Variants in TLE7 observed in about 807,000 individuals in gnomAD.
TLE7 encodes the protein transducin-like enhancer protein 7.
intron 1 of TLE7, among the ~76,000 whole-genome samples, chr16:71,438,626 G>T (rs1179227516): frequency 7.1e-6 from 1 of 140,230 alleles, no homozygotes; most frequent in Non-Finnish European, 1.5e-5. Flanking sequence ...AGGTTGCCGT[G>T]AGCCAAGATC....
At chr16:71,436,074 C>T (rs1001435007) in intron 1 of TLE7, among the ~76,000 whole-genome samples, 2 of 152,166 alleles carry the variant, frequency 1.3e-5, no homozygotes, top group African/African-American at 4.8e-5. Context: ...CAGAGCTCCC[C>T]ACCCTCTTAC....
Position 71,432,311 on chromosome 16 carries a change from A to C in TLE7, c.408T>G (p.Asp136Glu). The change falls in exon 5 of 10, where the codon GAT becomes GAG. Residue 136 changes from aspartate to glutamate, a missense_variant. Asp to Glu is a conservative substitution (Grantham distance 45). Coordinates refer to ENST00000561754, the MANE Select transcript of TLE7 (RefSeq NM_001367365.2). ...CCCTCTTCTGCCTGACCACAACTTCATCTGGAATGGGGGGCTAGGCAAGGA... is the reference window on the plus strand; with the variant it reads ...CCCTCTTCTGCCTGACCACAACTTCCTCTGGAATGGGGGGCTAGGCAAGGA... The part of the protein sequence containing the change: ...SLLRAIPPIP[D>E]EVVVRQKRAP... The C allele has an allele frequency of 2.5e-6, 1 of 400,634 alleles. No homozygotes were observed. The highest frequency in any genetic ancestry group is 4.4e-6 in the Non-Finnish European group (1 of 226,290). 24.8% of individuals were successfully genotyped at this position (400,634 alleles called of 1,614,324 possible).
At chr16:71,438,929 G>C (rs2145047204) in intron 1 of TLE7, among the ~76,000 whole-genome samples, 1 of 152,308 alleles carries the variant, frequency 6.6e-6, no homozygotes, top group South Asian at 2.1e-4. Flanking sequence ...GACCAAAACT[G>C]TCACAACCAG....
chr16:71,437,654 G>A (rs2042831743), intron 1 of TLE7, among the ~76,000 whole-genome samples: 1 of 151,888 alleles, frequency 6.6e-6, no homozygotes, highest in South Asian at 2.1e-4. Context: ...GAGAGGAAGG[G>A]GTGATGAAGC....
rs552157802 is a variant in TLE7 at position 71,431,860 on chromosome 16, G to A, written c.752C>T (p.Thr251Met). ...AGAGGAGACAGCCAGAGAATAGCAC[G>A]TGGGGCCCGTCGAGGTCAGCTGTGC... ...VRAQLTSTGP[T>M]CYSLAVSSDA... The change falls in exon 6 of 10, where the codon ACG becomes ATG. Residue 251 changes from threonine to methionine, a missense_variant. Coordinates refer to ENST00000561754, the MANE Select transcript of TLE7 (RefSeq NM_001367365.2). This position sits in a 1 kb window ranked among gnomAD's most constrained non-coding sequence, Gnocchi z 4.5. The A allele has an allele frequency of 2.1e-4, 84 of 400,754 alleles. No homozygotes were observed. Among genetic ancestry groups the A allele is most frequent in the African/African-American group, 1.4e-3 (68 of 48,788 alleles). The allele number at this position is 400,754 out of a possible 1,614,324, so 24.8% of individuals were successfully genotyped here.
chr16:71,430,630 C>A, intron 9 of TLE7, 38 bp downstream of exon 9: 1 of 398,478 alleles, frequency 2.5e-6, no homozygotes, highest in South Asian at 1.3e-4. Flanking sequence ...CTACAAGCTC[C>A]CAGTGCCTGG....
Position 71,431,763 on chromosome 16 carries a change from G to T in TLE7, c.849C>A (p.Ile283=). The change falls in exon 6 of 10, where the codon ATC becomes ATA. Residue 283 remains isoleucine, a splice_region_variant and synonymous_variant. Transcript: ENST00000561754. This position sits in a 1 kb window ranked among gnomAD's most constrained non-coding sequence, Gnocchi z 4.5. ...GTGGCTCTGGAGAGAGGTCATACCT[G>T]ATCAAGATTTGGTTCTGCAAATCCC... The part of the protein sequence containing the change: ...EIWDLQNQIL[I]RKHEVPVYGS... 1 of 400,694 alleles carries T rather than the reference G, an allele frequency of 2.5e-6. No individual in the cohort carries two copies. The allele number at this position is 400,694 out of a possible 1,614,324, so 24.8% of individuals were successfully genotyped here. A position where few individuals can be genotyped will look rare whatever the true frequency, so the allele number is the denominator to read the frequency against.
chr16:71,437,339 A>T (rs528539822), intron 1 of TLE7, among the ~76,000 whole-genome samples: 1 of 133,870 alleles, frequency 7.5e-6, no homozygotes, highest in African/African-American at 3.0e-5. Context: ...ACAGAGTGAG[A>T]CTCTGTCTCA....
intron 1 of TLE7, 137 bp downstream of exon 1, chr16:71,441,832 A>G (rs1329322167): frequency 2.0e-5 from 3 of 151,942 alleles, no homozygotes; most frequent in African/African-American, 4.8e-5. Flanking sequence ...GCAGTCTCCA[A>G]CTCCAGCCGG....
chr16:71,432,911 G>T lies in TLE7; in HGVS notation c.312-19C>A, dbSNP rs560334197. 6.3e-4 allele frequency: 251 copies of T among 399,026 alleles called. 1 individual carries two copies. Among genetic ancestry groups the T allele is most frequent in the Admixed American group, 1.5e-3 (34 of 22,738 alleles). 24.7% of individuals were successfully genotyped at this position (399,026 alleles called of 1,614,324 possible). A position where few individuals can be genotyped will look rare whatever the true frequency, so the allele number is the denominator to read the frequency against. On this transcript the variant is annotated intron_variant, in intron 2 of 9. Transcript: ENST00000561754. ...TAGGAAGCTACAACACATGGAGAGA[G>T]GGAGGGAGGAGACAGAGTGTGAGCC...
intron 1 of TLE7, among the ~76,000 whole-genome samples, chr16:71,437,707 C>T (rs1666700924): frequency 6.6e-6 from 1 of 152,158 alleles, no homozygotes; most frequent in Admixed American, 6.5e-5. Flanking sequence ...GCCTCCATTC[C>T]CTGATCACCC....
intron 1 of TLE7, among the ~76,000 whole-genome samples, chr16:71,434,085 G>A (rs1418623435): frequency 1.3e-5 from 2 of 152,204 alleles, no homozygotes; most frequent in African/African-American, 4.8e-5. Context: ...TAGAGGGGTT[G>A]GAGGAAACCC....
In TLE7 at chr16:71,431,730, A is replaced by G; in HGVS notation, c.851+31T>C. On this transcript the variant is annotated intron_variant, in intron 6 of 9. Coordinates refer to ENST00000561754, the MANE Select transcript of TLE7 (RefSeq NM_001367365.2). The surrounding 1 kb of genome is among the most constrained non-coding windows in gnomAD (Gnocchi z 4.5). ...CTCACTGGCAAGCCCTCCCCCAGGT[A>G]CACCTGAGTGGCTCTGGAGAGAGGT... 2.5e-6 allele frequency: 1 copy of G among 400,684 alleles called. No homozygotes were observed. The allele number at this position is 400,684 out of a possible 1,614,324, so 24.8% of individuals were successfully genotyped here.
chr16:71,437,006 G>A (rs2042828815), intron 1 of TLE7, among the ~76,000 whole-genome samples: 1 of 152,182 alleles, frequency 6.6e-6, no homozygotes, highest in Non-Finnish European at 1.5e-5. Context: ...CAGATCACTT[G>A]AAGTCAGGAC....
Position 71,430,116 on chromosome 16 carries a change from G to A in TLE7, c.*146C>T. On this transcript the variant is annotated 3_prime_UTR_variant, in exon 10 of 10. Transcript: ENST00000561754. ...ATTAAAATCTGGGAGTGCAGGCTGA[G>A]AGCGGGCTACTGGAGGGGAGGGATG... 1 of 396,138 alleles carries A rather than the reference G, an allele frequency of 2.5e-6. No individual in the cohort carries two copies. The highest frequency in any genetic ancestry group is 4.4e-6 in the Non-Finnish European group (1 of 225,064). 24.5% of individuals were successfully genotyped at this position (396,138 alleles called of 1,614,324 possible).
intron 1 of TLE7, among the ~76,000 whole-genome samples, chr16:71,435,651 G>A (rs1477285173): frequency 1.3e-5 from 2 of 152,186 alleles, no homozygotes; most frequent in African/African-American, 2.4e-5. Flanking sequence ...ATGGGAGGGA[G>A]ATTTGTCACT....
intron 1 of TLE7, among the ~76,000 whole-genome samples, chr16:71,440,581 T>A (rs1392662417): frequency 6.6e-6 from 1 of 152,160 alleles, no homozygotes; most frequent in African/African-American, 2.4e-5. Flanking sequence ...GTCCTGCAAA[T>A]CCCAACAGCA....
In TLE7 at chr16:71,433,794, C is replaced by T. The variant is rs192111481; in HGVS notation, c.-96-374G>A. Among the ~76,000 whole-genome samples, 15 of 152,230 alleles carry T rather than the reference C, an allele frequency of 9.9e-5. No homozygotes were observed. The East Asian group carries it at 1.4e-3, about 14-fold the overall frequency. ...CCAACATTGTGAAACCCAATCTCTA[C>T]TGAAAATACAAAAATTAGCCGGGCA... On this transcript the variant is annotated intron_variant, in intron 1 of 9. Coordinates refer to ENST00000561754, the MANE Select transcript of TLE7 (RefSeq NM_001367365.2).
rs369721863 is a variant in TLE7 at position 71,433,913 on chromosome 16, G to A, written c.-96-493C>T. ...GCGGAGGTTGCACTGAGGTGAGATC[G>A]TGCCACTGCACTCCAGCCTGGTCAA... On this transcript the variant is annotated intron_variant, in intron 1 of 9. Coordinates refer to ENST00000561754, the MANE Select transcript of TLE7 (RefSeq NM_001367365.2). 1.5e-3 allele frequency among the ~76,000 whole-genome samples: 222 copies of A among 152,256 alleles called. 5 individuals carry two copies. The South Asian group carries it at 0.04, about 27-fold the overall frequency.
Sources: allele counts gnomAD v4.1 joint callset (sites outside exome capture counted in the v4.1 genomes callset), GRCh38; gene constraint gnomAD v4.1.1; non-coding constraint Gnocchi (gnomAD v3.1); transcripts MANE v1.5; gene names NCBI Gene and HGNC (gene_info 2026-07-23, HGNC 2026-07-21).